Variants in SCARB1 observed in about 807,000 individuals in gnomAD.
The protein encoded by SCARB1 is CD36 and LIMPII analogous 1.
Under a neutral mutation model 57.2 loss-of-function variants are expected in SCARB1, and 30 were observed. The observed-to-expected ratio is 0.52, with a 90% CI of 0.39 to 0.71. SCARB1 has a LOEUF of 0.71. Ranked by LOEUF, SCARB1 falls within the 30% of genes least tolerant of loss-of-function variation. The pLI, the probability that SCARB1 is intolerant of heterozygous loss-of-function variation, is 0.00. For synonymous variants in SCARB1, 249 were observed against 268.3 expected (o/e 0.93, Z 0.70); for missense variants, 543 against 671.2 (o/e 0.81, Z 2.11).
At position 124,800,152 on chromosome 12, in the gene SCARB1, G is replaced by A. The variant is rs1187055446; in HGVS notation, c.1100C>T (p.Ala367Val). ...GTGGATGTCCAGGAACAAGGAGTGT[G>A]CCTCCTGGTTAGGGTGCAGGCCAGT... ...AVTGLHPNQE[A>V]HSLFLDIHPV... The change falls in exon 8 of 13, where the codon GCA (alanine) becomes GTA (valine). Residue 367 changes from alanine to valine, a missense_variant. Coordinates refer to ENST00000261693, the MANE Select transcript of SCARB1 (RefSeq NM_005505.5). The surrounding 1 kb of genome is among the most constrained non-coding windows in gnomAD (Gnocchi z 4.8). 1 of 1,613,464 alleles carries A rather than the reference G, an allele frequency of 6.2e-7. No homozygotes were observed. Among genetic ancestry groups the A allele is most frequent in the African/African-American group, 1.3e-5 (1 of 75,048 alleles).
chr12:124,784,929 T>C (rs838893), intron 11 of SCARB1: 97,633 of 152,320 alleles, frequency 0.64, 31,830 homozygotes, highest in South Asian at 0.76. Context: ...CTGCAGATCT[T>C]ATGTTCTGGT....
chr12:124,848,943 A>T (rs901344911), intron 1 of SCARB1, among the ~76,000 whole-genome samples: 3 of 152,206 alleles, frequency 2.0e-5, no homozygotes, highest in Non-Finnish European at 1.5e-5. Flanking sequence ...AAGATGTTGG[A>T]AACAGCCAGC....
At chr12:124,790,533 C>A (rs1478360352) in intron 9 of SCARB1, among the ~76,000 whole-genome samples, 1 of 152,158 alleles carries the variant, frequency 6.6e-6, no homozygotes, top group African/African-American at 2.4e-5. Context: ...TTGATCTTAG[C>A]CTTGTTGTGT....
At chr12:124,819,070 T>A (rs1409828474) in intron 1 of SCARB1, among the ~76,000 whole-genome samples, 1 of 150,992 alleles carries the variant, frequency 6.6e-6, no homozygotes, top group Non-Finnish European at 1.5e-5. Flanking sequence ...GAGGCTGCAG[T>A]GAGCTGTAAT....
intron 1 of SCARB1, among the ~76,000 whole-genome samples, chr12:124,841,637 C>T (rs902310786): frequency 1.3e-5 from 2 of 152,080 alleles, no homozygotes; most frequent in Non-Finnish European, 2.9e-5. Context: ...CTCCCAACCC[C>T]ACTGGCCTGC....
intron 1 of SCARB1, among the ~76,000 whole-genome samples, chr12:124,844,332 A>G (rs891712805): frequency 2.6e-5 from 4 of 152,140 alleles, no homozygotes; most frequent in Admixed American, 2.6e-4. Context: ...GGCCACATGA[A>G]GGGGGCCTCC....
intron 1 of SCARB1, among the ~76,000 whole-genome samples, chr12:124,840,375 G>A (rs954844294): frequency 5.9e-5 from 9 of 152,022 alleles, no homozygotes; most frequent in African/African-American, 1.7e-4. Flanking sequence ...ACGGGGTTTC[G>A]CCATCTTGGC....
chr12:124,862,682 A>G (rs900490237), intron 1 of SCARB1, among the ~76,000 whole-genome samples: 1 of 31,974 alleles, frequency 3.1e-5, no homozygotes, highest in African/African-American at 8.7e-5. Flanking sequence ...CCGCCACTGC[A>G]TGTGTGGGTT....
chr12:124,850,489 T>C (rs1303252597), intron 1 of SCARB1, among the ~76,000 whole-genome samples: 1 of 152,066 alleles, frequency 6.6e-6, no homozygotes, highest in Non-Finnish European at 1.5e-5. Context: ...CTGGCCAACA[T>C]GGAGAAACCC....
chr12:124,819,129 TAAA>T (rs56299837), intron 1 of SCARB1, among the ~76,000 whole-genome samples: 5 of 137,618 alleles, frequency 3.6e-5, no homozygotes, highest in Admixed American at 7.1e-5. Flanking sequence ...CCCTGTCTCA[TAAA>T]AAAAAAAAAA....
chr12:124,822,853 A>C lies in SCARB1; in HGVS notation c.127-5146T>G, dbSNP rs534288645. On this transcript the variant is annotated intron_variant, in intron 1 of 12. Transcript: ENST00000261693. This position sits in a 1 kb window ranked among gnomAD's most constrained non-coding sequence, Gnocchi z 5.0. ...CAGTGAGCCGTGATCATGTGCCTGC[A>C]CTCCAGTCTGGGCCACAAAGCAAGA... 2.6e-5 allele frequency among the ~76,000 whole-genome samples: 4 copies of C among 152,084 alleles called. No homozygotes were observed. The highest frequency in any genetic ancestry group is 9.6e-5 in the African/African-American group (4 of 41,470).
At chr12:124,832,913 G>A (rs1437740007) in intron 1 of SCARB1, among the ~76,000 whole-genome samples, 1 of 152,088 alleles carries the variant, frequency 6.6e-6, no homozygotes, top group African/African-American at 2.4e-5. Context: ...AGTTCTCGGG[G>A]GGAGAAGTCC....
intron 1 of SCARB1, among the ~76,000 whole-genome samples, chr12:124,848,721 C>T (rs1952263198): frequency 6.6e-6 from 1 of 152,212 alleles, no homozygotes; most frequent in African/African-American, 2.4e-5. Context: ...AACGGCAGAA[C>T]GAGCCGTGGT....
chr12:124,778,945 T>A (rs1872835607), intron 12 of SCARB1, among the ~76,000 whole-genome samples: 1 of 152,142 alleles, frequency 6.6e-6, no homozygotes, highest in South Asian at 2.1e-4. Flanking sequence ...CGTATGTTTA[T>A]GTGTTGATTT....
At chr12:124,808,016 C>G in intron 6 of SCARB1, 89 bp from the exon 7 acceptor site, 1 of 1,341,078 alleles carries the variant, frequency 7.5e-7, no homozygotes. Flanking sequence ...CCAGCCACTT[C>G]TCCCCACGGG....
At chr12:124,795,876 T>G (rs1949928770) in intron 8 of SCARB1, among the ~76,000 whole-genome samples, 1 of 152,232 alleles carries the variant, frequency 6.6e-6, no homozygotes, top group Non-Finnish European at 1.5e-5. Context: ...AGCCTAATAT[T>G]TTTTTCCTTG....
At chr12:124,847,782 G>A (rs1238234806) in intron 1 of SCARB1, among the ~76,000 whole-genome samples, 2 of 152,190 alleles carry the variant, frequency 1.3e-5, no homozygotes, top group Non-Finnish European at 2.9e-5. Context: ...TGACTGCCAG[G>A]CTGGGAGCTG....
At chr12:124,821,980 T>G (rs1373976528) in intron 1 of SCARB1, among the ~76,000 whole-genome samples, 1 of 152,190 alleles carries the variant, frequency 6.6e-6, no homozygotes, top group Non-Finnish European at 1.5e-5. Flanking sequence ...ACCATGGCCC[T>G]GGAACACAGA....
intron 4 of SCARB1, among the ~76,000 whole-genome samples, chr12:124,813,387 T>C (rs913186175): frequency 6.6e-6 from 1 of 152,212 alleles, no homozygotes; most frequent in Admixed American, 6.5e-5. Context: ...GAAAACCACA[T>C]GCCAAGGATG....
Sources: gnomAD v4.1 joint callset for allele counts (sites outside exome capture counted in the v4.1 genomes callset) on GRCh38, gnomAD v4.1.1 for gene constraint, Gnocchi (gnomAD v3.1) non-coding constraint, MANE v1.5 for transcripts, NCBI Gene and HGNC (gene_info 2026-07-23, HGNC 2026-07-21) for gene names.